Variants in PCDHA11 observed in about 807,000 individuals in gnomAD.
PCDHA11 encodes the protein protocadherin alpha-11.
PCDHA11 carries 61 observed loss-of-function variants against 70.3 expected under a neutral mutation model. The ratio of observed to expected loss-of-function variants is 0.87; its 90% CI spans 0.71 to 1.07. The LOEUF (loss-of-function observed/expected upper bound fraction) is 1.07, where lower values mean the gene tolerates loss of function less well. PCDHA11 is among the 50% of genes least tolerant of loss of function. The pLI is 0.00. For missense variants in PCDHA11, 1,324 were observed against 1,237.5 expected, an observed-to-expected ratio of 1.07 and a Z score of -1.05; for synonymous variants, 633 against 555.1, an observed-to-expected ratio of 1.14 and a Z score of -1.97.
At position 140,927,603 on chromosome 5, in the gene PCDHA11, A is replaced by G. The variant is rs538616533; in HGVS notation, c.2392-51346A>G. On this transcript the variant is annotated intron_variant, in intron 1 of 3. Coordinates refer to ENST00000398640, the MANE Select transcript of PCDHA11 (RefSeq NM_018902.5). ...ACGCGCCTGTATTTGAGCGCTCCGT[A>G]TACCGCACCAAGGTTCCAGAGACTG... 8.1e-6 allele frequency: 13 copies of G among 1,614,190 alleles called. No homozygotes were observed. In the Admixed American group the frequency reaches 1.2e-4, roughly 14 times the overall value.
At chr5:140,943,266 AAAAAAAAAAAAG>A (rs2093453056) in intron 1 of PCDHA11, among the ~76,000 whole-genome samples, 1 of 150,226 alleles carries the variant, frequency 6.7e-6, no homozygotes, top group African/African-American at 2.5e-5. Context: ...TCAAAAAAAA[AAAAAAAAAAAAG>A]AAAGAAAGAA....
Position 140,982,515 on chromosome 5 carries a change from C to A in PCDHA11, c.2491C>A (p.Pro831Thr), listed in dbSNP as rs1278779763. ...LEEAGILRAG[P>T]GGPDQQWPTV... ...GGAGGCTGGCATTCTACGGGCTGGT[C>A]CAGGAGGGCCTGATCAGCAGTGGCC... Residue 831 changes from proline (P) to threonine (T), a missense_variant, in exon 3 of 4, where the codon CCA becomes ACA. Pro to Thr is a conservative substitution (Grantham distance 38, BLOSUM62 -1). Transcript: ENST00000398640. 3 of 1,614,058 alleles carry A rather than the reference C, an allele frequency of 1.9e-6. No individual in the cohort carries two copies. Among genetic ancestry groups the A allele is most frequent in the Middle Eastern group, 1.6e-4 (1 of 6,080 alleles).
intron 1 of PCDHA11, chr5:140,876,017 T>TAAAAAC (rs782503573): frequency 2.3e-5 from 37 of 1,613,124 alleles, no homozygotes; most frequent in Non-Finnish European, 2.8e-5. Context: ...GAGCTTAAAA[T>TAAAAAC]AAAAACAAAA....
At chr5:140,939,521 T>C (rs540311861) in intron 1 of PCDHA11, among the ~76,000 whole-genome samples, 3 of 152,326 alleles carry the variant, frequency 2.0e-5, no homozygotes, top group Non-Finnish European at 2.9e-5. Flanking sequence ...TTAATAGTTA[T>C]AGAATTATAC....
intron 1 of PCDHA11, among the ~76,000 whole-genome samples, chr5:140,912,818 A>T (rs2076075875): frequency 6.6e-6 from 1 of 152,052 alleles, no homozygotes; most frequent in South Asian, 2.1e-4. Context: ...TCATAAAGGG[A>T]TTTTGAATTT....
At chr5:141,007,395 C>CAAAAAA (rs35800918) in intron 3 of PCDHA11, among the ~76,000 whole-genome samples, 36 of 94,826 alleles carry the variant, frequency 3.8e-4, no homozygotes, top group African/African-American at 6.0e-4. Context: ...TACTAAAATA[C>CAAAAAA]AAAAAAAAAA....
intron 1 of PCDHA11, among the ~76,000 whole-genome samples, chr5:140,894,254 A>G (rs566555133): frequency 6.6e-6 from 1 of 152,128 alleles, no homozygotes; most frequent in Admixed American, 6.5e-5. Flanking sequence ...TCTTTTCTTT[A>G]CAAGTGGTAG....
At chr5:140,903,787 A>G (rs782220484) in intron 1 of PCDHA11, among the ~76,000 whole-genome samples, 10 of 152,174 alleles carry the variant, frequency 6.6e-5, no homozygotes, top group Non-Finnish European at 1.3e-4. Context: ...TAAACTATCT[A>G]TGGTTGTAAT....
intron 1 of PCDHA11, among the ~76,000 whole-genome samples, chr5:140,943,997 T>C (rs1387803558): frequency 2.0e-5 from 3 of 152,178 alleles, no homozygotes; most frequent in African/African-American, 7.2e-5. Flanking sequence ...ACAGAACTAC[T>C]GAGTACCCCC....
chr5:140,999,678 G>A (rs1204037119), intron 3 of PCDHA11, among the ~76,000 whole-genome samples: 2 of 152,112 alleles, frequency 1.3e-5, no homozygotes, highest in East Asian at 1.9e-4. Context: ...GGGGCTCACA[G>A]AAAGAAGAAA....
At chr5:140,978,788 T>TA (rs2096823213) in intron 1 of PCDHA11, 161 bp from the exon 2 acceptor site, 1 of 974,810 alleles carries the variant, frequency 1.0e-6, no homozygotes, top group Non-Finnish European at 1.2e-6. Flanking sequence ...TCTAAAGTGC[T>TA]ATATATGTAG....
chr5:140,882,475 AAGAC>A (rs2059154037), intron 1 of PCDHA11: 1 of 1,613,902 alleles, frequency 6.2e-7, no homozygotes, highest in Non-Finnish European at 8.5e-7. Flanking sequence ...TGGCGTCCAA[AAGAC>A]ACGGGGACCT....
intron 1 of PCDHA11, among the ~76,000 whole-genome samples, chr5:140,973,282 C>T (rs1554235080): frequency 2.6e-5 from 4 of 152,148 alleles, no homozygotes; most frequent in African/African-American, 7.2e-5. Context: ...TCCCCCAGCA[C>T]TGATTTTTCT....
intron 1 of PCDHA11, chr5:140,876,746 T>C (rs1411489174): frequency 3.7e-6 from 6 of 1,614,098 alleles, no homozygotes; most frequent in Admixed American, 3.3e-5. Flanking sequence ...GAGCTGGTGG[T>C]GACTGCGCGG....
At chr5:140,904,475 T>C (rs1034610314) in intron 1 of PCDHA11, among the ~76,000 whole-genome samples, 1 of 151,866 alleles carries the variant, frequency 6.6e-6, no homozygotes, top group Non-Finnish European at 1.5e-5. Context: ...TGGTGGCTAT[T>C]TGGTCTGATT....
chr5:140,930,338 A>T (rs2086745230), intron 1 of PCDHA11: 1 of 152,214 alleles, frequency 6.6e-6, no homozygotes, highest in African/African-American at 2.4e-5. Flanking sequence ...AATGAAAGTT[A>T]AGTGATTCAA....
At chr5:140,949,005 A>G (rs1554218775) in intron 1 of PCDHA11, among the ~76,000 whole-genome samples, 1 of 151,654 alleles carries the variant, frequency 6.6e-6, no homozygotes, top group African/African-American at 2.4e-5. Context: ...ACTAATTTTT[A>G]TATGTGATGT....
At chr5:140,896,450 C>T (rs1009231622) in intron 1 of PCDHA11, among the ~76,000 whole-genome samples, 1 of 152,092 alleles carries the variant, frequency 6.6e-6, no homozygotes, top group East Asian at 1.9e-4. Flanking sequence ...GCAACCTCCA[C>T]CTCCTGGGTT....
At chr5:140,951,098 A>T (rs1480000816) in intron 1 of PCDHA11, among the ~76,000 whole-genome samples, 1 of 151,264 alleles carries the variant, frequency 6.6e-6, no homozygotes, top group African/African-American at 2.4e-5. Flanking sequence ...TTCTGATAAG[A>T]TTTCCTTTAT....
Sources: allele counts gnomAD v4.1 joint callset (sites outside exome capture counted in the v4.1 genomes callset), GRCh38; gene constraint gnomAD v4.1.1; transcripts MANE v1.5; gene names NCBI Gene and HGNC (gene_info 2026-07-23, HGNC 2026-07-21).